Variants in FGF14 observed in about 807,000 individuals in gnomAD.
FGF14 encodes the protein fibroblast growth factor homologous factor 4.
A neutral mutation model predicts 25.5 loss-of-function variants in FGF14; 5 were observed. The ratio of observed to expected loss-of-function variants is 0.20; its 90% confidence interval spans 0.10 to 0.41. The LOEUF (loss-of-function observed/expected upper bound fraction) is 0.41. FGF14 is among the 10% of genes least tolerant of loss of function. The probability of loss-of-function intolerance (pLI) is 1.00; values close to 1 mark genes in which losing one functional copy is unlikely to be tolerated. For synonymous variants in FGF14, 138 were observed against 118.3 expected (o/e 1.17, Z -1.08); for missense variants, 222 against 320.1 (o/e 0.69, Z 2.34).
At chr13:102,079,349 G>A (rs1208679275) in intron 1 of FGF14, among the ~76,000 whole-genome samples, 2 of 152,144 alleles carry the variant, frequency 1.3e-5, no homozygotes, top group African/African-American at 4.8e-5. Flanking sequence ...GAAAAAGAGA[G>A]TTTGCACATT....
chr13:101,916,298 C>G (rs1369343211), intron 1 of FGF14, among the ~76,000 whole-genome samples, 155 bp downstream of exon 1: 1 of 152,220 alleles, frequency 6.6e-6, no homozygotes, highest in Non-Finnish European at 1.5e-5. Context: ...ACAGCGGACT[C>G]CAGGGTCCCC....
At chr13:101,932,787 A>T (rs2034852772) in intron 1 of FGF14, among the ~76,000 whole-genome samples, 1 of 151,750 alleles carries the variant, frequency 6.6e-6, no homozygotes, top group African/African-American at 2.4e-5. Context: ...CACTGAGAAA[A>T]AATTATGAGG....
chr13:102,207,476 T>G (rs2049976502), intron 1 of FGF14, among the ~76,000 whole-genome samples: 1 of 151,076 alleles, frequency 6.6e-6, no homozygotes, highest in African/African-American at 2.4e-5. Flanking sequence ...GCAAAACAAC[T>G]TAGTAAATTT....
At chr13:102,057,945 T>A (rs1307652016) in intron 1 of FGF14, among the ~76,000 whole-genome samples, 2 of 152,224 alleles carry the variant, frequency 1.3e-5, no homozygotes, top group African/African-American at 4.8e-5. Context: ...TGTGGAAGCC[T>A]GTGAAATTCC....
rs2056939492 is a variant in FGF14 at position 102,341,138 on chromosome 13, AAAACCCAACTTTT to A, written c.208+60320_208+60332del. ...AAAAAAGACTCCCCTAGCCTGGGAA[AAAACCCAACTTTT>A]GTTTCTGACAATTTTATAACAAAAA... is the stretch of plus-strand genomic sequence containing the variant. On this transcript the variant is annotated intron_variant, in intron 1 of 4. Coordinates refer to the FGF14 transcript ENST00000376131. Among the ~76,000 whole-genome samples, 7 of 152,308 alleles carry A rather than the reference AAAACCCAACTTTT, an allele frequency of 4.6e-5. No individual in the cohort carries two copies. The South Asian group carries it at 1.5e-3, about 32-fold the overall frequency.
intron 3 of FGF14, among the ~76,000 whole-genome samples, chr13:101,792,674 C>T (rs1428255968): frequency 1.3e-5 from 2 of 152,006 alleles, no homozygotes; most frequent in Admixed American, 1.3e-4. Context: ...ATTTTCTTTG[C>T]CCCTCATGCC....
At chr13:101,834,559 A>C (rs1249181062) in intron 3 of FGF14, among the ~76,000 whole-genome samples, 1 of 152,112 alleles carries the variant, frequency 6.6e-6, no homozygotes. Context: ...GGAAATAAGA[A>C]GGCTGAGTAT....
At chr13:102,384,674 GA>G (rs1223715926) in intron 1 of FGF14, among the ~76,000 whole-genome samples, 1 of 151,588 alleles carries the variant, frequency 6.6e-6, no homozygotes, top group South Asian at 2.1e-4. Context: ...ATACTAATCA[GA>G]AAAAAAACTG....
At chr13:101,751,548 G>T (rs1163685000) in intron 3 of FGF14, among the ~76,000 whole-genome samples, 1 of 151,994 alleles carries the variant, frequency 6.6e-6, no homozygotes, top group African/African-American at 2.4e-5. Flanking sequence ...AAGTTTCCAA[G>T]AACCACATTT....
chr13:101,941,591 T>G (rs563282071), intron 1 of FGF14, among the ~76,000 whole-genome samples: 1 of 152,196 alleles, frequency 6.6e-6, no homozygotes, highest in Non-Finnish European at 1.5e-5. Context: ...TTTTTGGCAT[T>G]GAACCCAGGA....
chr13:101,855,769 G>C (rs1044688191), intron 3 of FGF14, among the ~76,000 whole-genome samples: 1 of 151,910 alleles, frequency 6.6e-6, no homozygotes, highest in Admixed American at 6.6e-5. Flanking sequence ...GAGAACCAGA[G>C]TGTAATTTAA....
At chr13:101,996,803 GT>G (rs2039210904) in intron 1 of FGF14, among the ~76,000 whole-genome samples, 1 of 152,156 alleles carries the variant, frequency 6.6e-6, no homozygotes, top group Non-Finnish European at 1.5e-5. Context: ...AAGGAAGCTG[GT>G]TTACAAAATT....
intron 3 of FGF14, among the ~76,000 whole-genome samples, chr13:101,790,652 C>T (rs910504418): frequency 1.3e-5 from 2 of 152,062 alleles, no homozygotes; most frequent in Non-Finnish European, 2.9e-5. Context: ...CTTCACACTT[C>T]AGCATGCCTC....
intron 1 of FGF14, among the ~76,000 whole-genome samples, chr13:101,953,229 C>G (rs1041279163): frequency 1.3e-5 from 2 of 152,126 alleles, no homozygotes; most frequent in African/African-American, 4.8e-5. Context: ...TGAAAACCAT[C>G]TTTTCTTCAG....
At chr13:102,295,624 G>C (rs1008922087) in intron 1 of FGF14, among the ~76,000 whole-genome samples, 1 of 152,122 alleles carries the variant, frequency 6.6e-6, no homozygotes, top group African/African-American at 2.4e-5. Flanking sequence ...TCTTGCCTGA[G>C]ATTACAGAAT....
rs143242690 is a variant in FGF14 at position 101,962,568 on chromosome 13, T to C, written c.209-87272A>G. ...TCAGAAAAAAAACACTATTGAAAAA[T>C]AGACATAAGATAATTTGTCATAAAG... On this transcript the variant is annotated intron_variant, in intron 1 of 4. Coordinates refer to the FGF14 transcript ENST00000376131. 3.6e-3 allele frequency among the ~76,000 whole-genome samples: 544 copies of C among 152,046 alleles called. 9 individuals carry two copies. Among genetic ancestry groups the C allele is most frequent in the Admixed American group, 0.027 (411 of 15,274 alleles).
intron 1 of FGF14, among the ~76,000 whole-genome samples, chr13:102,391,132 T>C (rs1724821072): frequency 6.6e-6 from 1 of 152,026 alleles, no homozygotes; most frequent in South Asian, 2.1e-4. Context: ...GCCTGAAGAG[T>C]AAGTTGATGA....
At chr13:102,288,889 T>A (rs1397572439) in intron 1 of FGF14, among the ~76,000 whole-genome samples, 1 of 152,102 alleles carries the variant, frequency 6.6e-6, no homozygotes, top group Admixed American at 6.6e-5. Flanking sequence ...CTCACCCTCT[T>A]TTCTCATTTT....
At chr13:102,366,797 A>G (rs1444149573) in intron 1 of FGF14, among the ~76,000 whole-genome samples, 9 of 152,210 alleles carry the variant, frequency 5.9e-5, no homozygotes, top group Non-Finnish European at 1.2e-4. Flanking sequence ...CATCTGATGG[A>G]AAGTAAATTT....
Sources: gnomAD v4.1 joint callset for allele counts (sites outside exome capture counted in the v4.1 genomes callset) on GRCh38, gnomAD v4.1.1 for gene constraint, MANE v1.5 for transcripts, NCBI Gene and HGNC (gene_info 2026-07-23, HGNC 2026-07-21) for gene names.